Variants in EPB41L3 observed in about 807,000 individuals in gnomAD.
EPB41L3 encodes the protein erythrocyte membrane protein band 4.1 like 3.
A neutral mutation model predicts 127.1 loss-of-function variants in EPB41L3; 57 were observed. That is an observed-to-expected ratio of 0.45 (90% CI 0.36 to 0.56). EPB41L3 has a LOEUF of 0.56. EPB41L3 is among the 20% of genes least tolerant of loss of function. The pLI, the probability that EPB41L3 is intolerant of heterozygous loss-of-function variation, is 0.00. For synonymous variants in EPB41L3, 572 were observed against 549.5 expected (o/e 1.04, Z -0.57); for missense variants, 1,273 against 1,372.2 (o/e 0.93, Z 1.14).
At chr18:5,566,733 T>TATTCC (rs1568583649) in intron 3 of EPB41L3, among the ~76,000 whole-genome samples, 15 of 84,378 alleles carry the variant, frequency 1.8e-4, no homozygotes, top group Non-Finnish European at 3.1e-4. Flanking sequence ...CATTCTATTC[T>TATTCC]ATTCTATTCT....
At chr18:5,528,028 A>G (rs2093290159) in intron 1 of EPB41L3, among the ~76,000 whole-genome samples, 1 of 152,224 alleles carries the variant, frequency 6.6e-6, no homozygotes, top group Non-Finnish European at 1.5e-5. Context: ...CAAATAGTTT[A>G]GTAATGCTAG....
At chr18:5,428,530 A>T in intron 8 of EPB41L3, 65 bp from the exon 9 acceptor site, 1 of 1,585,682 alleles carries the variant, frequency 6.3e-7, no homozygotes. Context: ...TGCTGGGTAA[A>T]GTATTTAAGC....
intron 14 of EPB41L3, among the ~76,000 whole-genome samples, chr18:5,410,258 C>T (rs2076034165): frequency 6.6e-6 from 1 of 151,170 alleles, no homozygotes; most frequent in African/African-American, 2.4e-5. Context: ...GCAAGTGGTT[C>T]TCAAAATATG....
chr18:5,482,914 C>T (rs1262016105), intron 2 of EPB41L3, among the ~76,000 whole-genome samples: 1 of 152,016 alleles, frequency 6.6e-6, no homozygotes, highest in Non-Finnish European at 1.5e-5. Flanking sequence ...AAAAATGAAC[C>T]TTTCAATGTA....
At chr18:5,561,240 G>T (rs981279541) in intron 3 of EPB41L3, among the ~76,000 whole-genome samples, 1 of 152,106 alleles carries the variant, frequency 6.6e-6, no homozygotes, top group Non-Finnish European at 1.5e-5. Context: ...GCCTCCCAAA[G>T]TGCTGGGATT....
At chr18:5,492,355 C>T (rs961471899) in intron 1 of EPB41L3, among the ~76,000 whole-genome samples, 1 of 125,454 alleles carries the variant, frequency 8.0e-6, no homozygotes, top group Non-Finnish European at 1.5e-5. Flanking sequence ...ATATGCCTAA[C>T]TTTAACTCGT....
chr18:5,512,551 T>TA (rs2092577484), intron 1 of EPB41L3, among the ~76,000 whole-genome samples: 2 of 152,100 alleles, frequency 1.3e-5, no homozygotes, highest in Non-Finnish European at 2.9e-5. Flanking sequence ...TAAAGGTAGA[T>TA]TGGTGTTTCA....
intron 16 of EPB41L3, among the ~76,000 whole-genome samples, chr18:5,405,039 A>C (rs1258441311): frequency 6.6e-6 from 1 of 152,234 alleles, no homozygotes; most frequent in Non-Finnish European, 1.5e-5. Flanking sequence ...CTTTTCACTT[A>C]TTCTGCATAA....
chr18:5,539,239 C>A (rs2093657325), intron 1 of EPB41L3, among the ~76,000 whole-genome samples: 1 of 70,382 alleles, frequency 1.4e-5, no homozygotes, highest in African/African-American at 5.7e-5. Context: ...TAATATAGAC[C>A]TTTCTGCTTT....
intron 3 of EPB41L3, among the ~76,000 whole-genome samples, chr18:5,466,630 C>G (rs2085046547): frequency 2.0e-5 from 3 of 152,170 alleles, no homozygotes; most frequent in Admixed American, 2.0e-4. Context: ...TGTGTTTTCA[C>G]CAGACCTCAA....
intron 6 of EPB41L3, 73 bp downstream of exon 6, chr18:5,437,962 T>TC (rs5822861): frequency 0.72 from 1,001,572 of 1,394,524 alleles, 361,430 homozygotes; most frequent in East Asian, 0.82. Context: ...GTAAGCACGC[T>TC]CTTTCCGGAG....
intron 1 of EPB41L3, among the ~76,000 whole-genome samples, chr18:5,616,053 C>A (rs1448436199): frequency 6.6e-6 from 1 of 152,148 alleles, no homozygotes. Context: ...TCTCAGCAAT[C>A]TCCCTTGGTA....
At chr18:5,601,612 A>G (rs1054161441) in intron 3 of EPB41L3, among the ~76,000 whole-genome samples, 24 of 152,274 alleles carry the variant, frequency 1.6e-4, no homozygotes, top group African/African-American at 5.5e-4. Flanking sequence ...ACAAGTACGA[A>G]TCATTGACCT....
At chr18:5,490,852 A>G (rs1159998666) in intron 1 of EPB41L3, among the ~76,000 whole-genome samples, 1 of 152,212 alleles carries the variant, frequency 6.6e-6, no homozygotes, top group Non-Finnish European at 1.5e-5. Flanking sequence ...ATTAGCTTTA[A>G]TAGTCAATTC....
intron 1 of EPB41L3, among the ~76,000 whole-genome samples, chr18:5,616,526 G>A (rs1599342196): frequency 6.6e-6 from 1 of 151,974 alleles, no homozygotes; most frequent in African/African-American, 2.4e-5. Flanking sequence ...AACTCCTTAG[G>A]TTTTTATTTT....
intron 3 of EPB41L3, among the ~76,000 whole-genome samples, chr18:5,571,249 C>A (rs949336123): frequency 6.6e-6 from 1 of 152,180 alleles, no homozygotes; most frequent in African/African-American, 2.4e-5. Context: ...GAATTAAATT[C>A]TATTTTCAAA....
chr18:5,483,812 AG>A (rs1372561050), intron 2 of EPB41L3, among the ~76,000 whole-genome samples: 2 of 151,954 alleles, frequency 1.3e-5, no homozygotes, highest in African/African-American at 2.4e-5. Flanking sequence ...AGAGTTCCCA[AG>A]TATATAAAAC....
chr18:5,469,676 G>T (rs552798915), intron 3 of EPB41L3, among the ~76,000 whole-genome samples: 9 of 152,280 alleles, frequency 5.9e-5, no homozygotes, highest in African/African-American at 2.2e-4. Context: ...GGCTGGAAAA[G>T]GAACGTCCGA....
At chr18:5,628,697 G>A (rs938095949) in intron 1 of EPB41L3, among the ~76,000 whole-genome samples, 1 of 152,140 alleles carries the variant, frequency 6.6e-6, no homozygotes, top group African/African-American at 2.4e-5. Context: ...CGAAAGACGC[G>A]GCCGGCGGGC....
Sources: allele counts gnomAD v4.1 joint callset (sites outside exome capture counted in the v4.1 genomes callset), GRCh38; gene constraint gnomAD v4.1.1; transcripts MANE v1.5; gene names NCBI Gene and HGNC (gene_info 2026-07-23, HGNC 2026-07-21).